THEMIS: variants seen among roughly 807,000 people sequenced by gnomAD.
THEMIS encodes the protein thymocyte selection associated.
A neutral mutation model predicts 52.6 loss-of-function variants in THEMIS; 37 were observed. The ratio of observed to expected loss-of-function variants is 0.70; its 90% CI spans 0.54 to 0.93. The LOEUF is 0.93. Among genes scored for constraint, THEMIS ranks in the 40% least tolerant of loss-of-function variants. The probability of loss-of-function intolerance (pLI) is 0.00; values close to 1 mark genes in which losing one functional copy is unlikely to be tolerated. For missense variants in THEMIS, 808 were observed against 763.1 expected, an observed-to-expected ratio of 1.06 and a Z score of -0.69; for synonymous variants, 292 against 272.7, an observed-to-expected ratio of 1.07 and a Z score of -0.70.
At chr6:127,788,571 G>A (rs555981908) in intron 4 of THEMIS, among the ~76,000 whole-genome samples, 2 of 152,162 alleles carry the variant, frequency 1.3e-5, no homozygotes, top group East Asian at 3.9e-4. Flanking sequence ...ACAGTAAGAA[G>A]GTACTCAATT....
At chr6:127,783,507 A>G (rs1313515053) in intron 4 of THEMIS, among the ~76,000 whole-genome samples, 1 of 152,262 alleles carries the variant, frequency 6.6e-6, no homozygotes, top group Non-Finnish European at 1.5e-5. Context: ...GCTAATATCC[A>G]GAATCTACAA....
intron 2 of THEMIS, among the ~76,000 whole-genome samples, chr6:127,847,864 G>T (rs1779272063): frequency 6.7e-6 from 1 of 150,374 alleles, no homozygotes; most frequent in Admixed American, 6.7e-5. Flanking sequence ...GAACAGATCT[G>T]GAGGGATCAC....
intron 1 of THEMIS, among the ~76,000 whole-genome samples, chr6:127,874,984 A>T (rs962813263): frequency 5.9e-5 from 9 of 152,222 alleles, no homozygotes; most frequent in African/African-American, 2.2e-4. Context: ...CGGGCATTAG[A>T]TTCTCCTAGG....
chr6:127,765,652 T>C (rs754174382), intron 4 of THEMIS, among the ~76,000 whole-genome samples: 1 of 152,116 alleles, frequency 6.6e-6, no homozygotes, highest in Non-Finnish European at 1.5e-5. Context: ...TAATACTGTA[T>C]CTTTAATGTG....
At chr6:127,763,795 T>C (rs1214197016) in intron 4 of THEMIS, among the ~76,000 whole-genome samples, 1 of 151,966 alleles carries the variant, frequency 6.6e-6, no homozygotes, top group Non-Finnish European at 1.5e-5. Context: ...ATTGATTACA[T>C]GTAAATCAAT....
chr6:127,735,844 T>C (rs1233776208), intron 4 of THEMIS, among the ~76,000 whole-genome samples: 1 of 152,248 alleles, frequency 6.6e-6, no homozygotes, highest in Non-Finnish European at 1.5e-5. Context: ...CAATGATTCT[T>C]CCAACATCAG....
intron 4 of THEMIS, among the ~76,000 whole-genome samples, chr6:127,771,149 G>A (rs1480273573): frequency 2.0e-5 from 3 of 152,082 alleles, no homozygotes; most frequent in African/African-American, 2.4e-5. Flanking sequence ...CAAATCATGA[G>A]TGAACTCCCA....
chr6:127,770,837 T>C (rs1196756704), intron 4 of THEMIS, among the ~76,000 whole-genome samples: 12 of 152,238 alleles, frequency 7.9e-5, no homozygotes, highest in African/African-American at 2.7e-4. Flanking sequence ...TTTCTCCATA[T>C]GGCTAGCCAG....
intron 4 of THEMIS, among the ~76,000 whole-genome samples, chr6:127,721,598 T>C (rs1259442568): frequency 6.6e-6 from 1 of 152,008 alleles, no homozygotes; most frequent in Non-Finnish European, 1.5e-5. Flanking sequence ...GATGTTGGTA[T>C]CAACTAGAAC....
intron 4 of THEMIS, among the ~76,000 whole-genome samples, chr6:127,801,642 C>T (rs1052677794): frequency 6.6e-6 from 1 of 152,132 alleles, no homozygotes; most frequent in African/African-American, 2.4e-5. Context: ...CCTCCTCAAC[C>T]CATGCTGCCA....
At chr6:127,799,515 TTCTTTCTTTCTTTC>T (rs1303193554) in intron 4 of THEMIS, among the ~76,000 whole-genome samples, 1,932 of 146,940 alleles carry the variant, frequency 0.013, 44 homozygotes, top group African/African-American at 0.045. Flanking sequence ...TTGGTAATCT[TTCTTTCTTTCTTTC>T]TCTTTCTTTC....
At chr6:127,888,717 A>T (rs1165793040) in intron 1 of THEMIS, among the ~76,000 whole-genome samples, 3 of 152,126 alleles carry the variant, frequency 2.0e-5, no homozygotes, top group Non-Finnish European at 4.4e-5. Context: ...CCAAATTTTT[A>T]AATCAACACC....
Position 127,730,301 on chromosome 6 carries a change from GAAA to G in THEMIS, c.1759-10481_1759-10479del, listed in dbSNP as rs1562219800. Among the ~76,000 whole-genome samples the G allele has an allele frequency of 9.8e-4, 126 of 129,022 alleles. 1 individual carries two copies. The highest frequency in any genetic ancestry group is 3.5e-3 in the African/African-American group (121 of 34,650). The allele number at this position is 129,022 out of a possible 152,430, so 84.6% of individuals were successfully genotyped here. ...ATAAAGAAAAGAAAAGAAAAGAAAAGAAAAGAAAAGAAAAGAGAAAAAAAGAAA... is the reference window on the plus strand; with the variant it reads ...ATAAAGAAAAGAAAAGAAAAGAAAAGAGAAAAGAAAAGAGAAAAAAAGAAA... On this transcript the variant is annotated intron_variant, in intron 4 of 5. Coordinates refer to ENST00000368248, the MANE Select transcript of THEMIS (RefSeq NM_001010923.3).
chr6:127,831,152 T>C (rs1447325918), intron 2 of THEMIS, among the ~76,000 whole-genome samples: 2 of 152,238 alleles, frequency 1.3e-5, no homozygotes, highest in Non-Finnish European at 2.9e-5. Flanking sequence ...ATTTCATTGA[T>C]ATCTATTTCA....
intron 2 of THEMIS, among the ~76,000 whole-genome samples, chr6:127,846,431 C>T (rs1466596054): frequency 6.6e-6 from 1 of 151,708 alleles, no homozygotes; most frequent in Non-Finnish European, 1.5e-5. Context: ...TTTAAATAAG[C>T]TCAATTAGAA....
intron 2 of THEMIS, among the ~76,000 whole-genome samples, chr6:127,854,537 T>C (rs190553489): frequency 6.6e-6 from 1 of 151,856 alleles, no homozygotes; most frequent in East Asian, 1.9e-4. Flanking sequence ...GCATGATATT[T>C]GAGCTAGTTT....
At chr6:127,702,620 T>A in the THEMIS span, among the ~76,000 whole-genome samples, 1 of 151,214 alleles carries the variant, frequency 6.6e-6, no homozygotes, top group Non-Finnish European at 1.5e-5. Context: ...TAACCTGTTT[T>A]TTTTTTTTTT....
chr6:127,905,511 CG>C (rs1437004812), upstream of THEMIS, among the ~76,000 whole-genome samples: 1 of 151,768 alleles, frequency 6.6e-6, no homozygotes, highest in Non-Finnish European at 1.5e-5. Context: ...GTTCTGCAGG[CG>C]AAAGTAAAAT....
At chr6:127,719,852 A>G (rs925221299) in intron 4 of THEMIS, 29 bp from the exon 5 acceptor site, 2 of 1,607,978 alleles carry the variant, frequency 1.2e-6, no homozygotes, top group Non-Finnish European at 1.7e-6. Flanking sequence ...CAAGTAAATT[A>G]TCAGTCCAAA....
Sources: allele counts gnomAD v4.1 joint callset (sites outside exome capture counted in the v4.1 genomes callset), GRCh38; gene constraint gnomAD v4.1.1; transcripts MANE v1.5; gene names NCBI Gene and HGNC (gene_info 2026-07-23, HGNC 2026-07-21).